The following LIFR variants were observed in gnomAD, a reference collection of about 807,000 sequenced individuals.
LIFR encodes the protein LIF receptor subunit alpha.
Under a neutral mutation model 122.2 loss-of-function variants are expected in LIFR, and 84 were observed. The observed-to-expected ratio is 0.69, with a 90% confidence interval of 0.58 to 0.82. LIFR has a LOEUF of 0.82. LIFR is among the 40% of genes least tolerant of loss of function. The probability of loss-of-function intolerance (pLI) is 0.00; values close to 1 mark genes in which losing one functional copy is unlikely to be tolerated. For missense variants in LIFR, 1,294 were observed against 1,311.6 expected, an observed-to-expected ratio of 0.99 and a Z score of 0.21; for synonymous variants, 422 against 434.7, an observed-to-expected ratio of 0.97 and a Z score of 0.36.
intron 5 of LIFR, among the ~76,000 whole-genome samples, chr5:38,514,967 G>C (rs938293171): frequency 6.6e-6 from 1 of 152,116 alleles, no homozygotes; most frequent in African/African-American, 2.4e-5. Context: ...AAGATACCAA[G>C]GGACAAGTGC....
chr5:38,489,094 C>T lies in LIFR; in HGVS notation c.2319G>A (p.Met773Ile). Residue 773 changes from methionine (M) to isoleucine (I), a missense_variant, in exon 16 of 20, where the codon ATG (methionine) becomes ATA (isoleucine). Met to Ile is a conservative substitution (Grantham distance 10). Coordinates refer to ENST00000453190, the MANE Select transcript of LIFR (RefSeq NM_001127671.2). ...TTTACTCACCTGATTCTAAAACCCT[C>T]ATCTTAGATGTGTCTCTTTCTCCTT... Reference protein sequence around the residue: ...FGKGERDTSKMRVLESGRSDI... With the variant: ...FGKGERDTSKIRVLESGRSDI... 1 of 1,612,922 alleles carries T rather than the reference C, an allele frequency of 6.2e-7. No homozygotes were observed. The highest frequency in any genetic ancestry group is 8.5e-7 in the Non-Finnish European group (1 of 1,179,164).
chr5:38,494,709 G>A (rs931824047), intron 13 of LIFR, among the ~76,000 whole-genome samples: 2 of 152,140 alleles, frequency 1.3e-5, no homozygotes, highest in African/African-American at 4.8e-5. Context: ...AACATAGAAA[G>A]GTTTCTAAGA....
At chr5:38,557,461 G>C (rs1383936942), upstream of LIFR, 1 of 154,790 alleles carries the variant, frequency 6.5e-6, no homozygotes, top group Admixed American at 6.5e-5. Context: ...TGCCGGACGC[G>C]TTTGATGGTG....
At chr5:38,506,134 C>T (rs911973191) in intron 8 of LIFR, 60 bp from the exon 9 acceptor site, 28 of 1,115,844 alleles carry the variant, frequency 2.5e-5, no homozygotes, top group Middle Eastern at 2.8e-4. Flanking sequence ...CAGGAAAAAA[C>T]GGGCAAATTC....
At chr5:38,529,870 A>C (rs1027220971) in intron 2 of LIFR, among the ~76,000 whole-genome samples, 3 of 152,230 alleles carry the variant, frequency 2.0e-5, no homozygotes, top group Non-Finnish European at 2.9e-5. Flanking sequence ...CACTAATCAT[A>C]ATAATAAAGT....
At chr5:38,501,302 A>ATC (rs1191617455) in intron 11 of LIFR, among the ~76,000 whole-genome samples, 1 of 151,784 alleles carries the variant, frequency 6.6e-6, no homozygotes, top group African/African-American at 2.4e-5. Flanking sequence ...AAATGCCCTC[A>ATC]TCTCTATTCT....
chr5:38,572,769 G>C (rs993133487), intron 1 of LIFR, among the ~76,000 whole-genome samples: 1 of 152,168 alleles, frequency 6.6e-6, no homozygotes, highest in Non-Finnish European at 1.5e-5. Context: ...TACATGCCAA[G>C]CACTTTGTGC....
At position 38,479,572 on chromosome 5, in the gene LIFR, C is replaced by T. The variant is rs1468719146; in HGVS notation, c.*2023G>A. The T allele has an allele frequency of 8.7e-6, 2 of 231,122 alleles. No homozygotes were observed. Among genetic ancestry groups the T allele is most frequent in the Non-Finnish European group, 1.7e-5 (2 of 116,780 alleles). 14.3% of individuals were successfully genotyped at this position (231,122 alleles called of 1,614,324 possible). A position where few individuals can be genotyped will look rare whatever the true frequency, so the allele number is the denominator to read the frequency against. On this transcript the variant is annotated 3_prime_UTR_variant, in exon 20 of 20. Coordinates refer to ENST00000453190, the MANE Select transcript of LIFR (RefSeq NM_001127671.2). ...CTTTTCTCATTATCTCAGGTTAGCG[C>T]CGTTTAGAGCAATAAACTTTTACTG...
chr5:38,525,544 C>T (rs1204035295), intron 4 of LIFR, among the ~76,000 whole-genome samples: 2 of 152,136 alleles, frequency 1.3e-5, no homozygotes, highest in Non-Finnish European at 2.9e-5. Context: ...GTGTTCAACA[C>T]TGGATTTATG....
rs761173059 is a variant in LIFR at position 38,502,811 on chromosome 5, CAAAT to C, written c.1438-16_1438-13del. The C allele has an allele frequency of 4.9e-6, 7 of 1,428,326 alleles. No homozygotes were observed. The highest frequency in any genetic ancestry group is 3.7e-5 in the South Asian group (3 of 82,056). The allele number at this position is 1,428,326 out of a possible 1,614,324, so 88.5% of individuals were successfully genotyped here. ...ATTGTGACATTCCGCTATTGGAAAA[CAAAT>C]AAATATATATATATGTATATATTAT... is the stretch of plus-strand genomic sequence containing the variant. On this transcript the variant is annotated splice_polypyrimidine_tract_variant and intron_variant, in intron 10 of 19. Transcript: ENST00000453190.
chr5:38,578,592 T>C (rs1308822906), intron 1 of LIFR, among the ~76,000 whole-genome samples: 1 of 151,898 alleles, frequency 6.6e-6, no homozygotes, highest in Non-Finnish European at 1.5e-5. Flanking sequence ...TCGCCCAGGC[T>C]GTAGTGTGTA....
chr5:38,501,805 C>T (rs12187493), intron 11 of LIFR, among the ~76,000 whole-genome samples: 46,050 of 150,410 alleles, frequency 0.31, 7,325 homozygotes, highest in East Asian at 0.42. Context: ...TCTGGTTATT[C>T]GAAGATAGAA....
upstream of LIFR, among the ~76,000 whole-genome samples, chr5:38,595,673 A>G (rs2112773185): frequency 6.6e-6 from 1 of 150,864 alleles, no homozygotes; most frequent in Admixed American, 6.6e-5. Flanking sequence ...AAAGGAATCC[A>G]TGGGGCCAAT....
At chr5:38,574,349 C>T (rs1336841891) in intron 1 of LIFR, among the ~76,000 whole-genome samples, 1 of 152,112 alleles carries the variant, frequency 6.6e-6, no homozygotes, top group Non-Finnish European at 1.5e-5. Flanking sequence ...GTCTACTTGC[C>T]TCAGACACTC....
intron 2 of LIFR, among the ~76,000 whole-genome samples, chr5:38,603,740 T>C (rs1413958339): frequency 1.3e-5 from 2 of 152,176 alleles, no homozygotes; most frequent in African/African-American, 2.4e-5. Flanking sequence ...AGTTTTCTAA[T>C]GTCTCCAGGG....
chr5:38,596,298 G>A (rs565315270), upstream of LIFR, among the ~76,000 whole-genome samples: 8 of 152,292 alleles, frequency 5.3e-5, no homozygotes, highest in African/African-American at 1.4e-4. Flanking sequence ...AATCTGCATC[G>A]TTAGGTATGG....
intron 16 of LIFR, 120 bp downstream of exon 16, chr5:38,488,954 CTCTA>C (rs563446368): frequency 7.8e-4 from 581 of 748,366 alleles, no homozygotes; most frequent in Non-Finnish European, 1.2e-3. Flanking sequence ...CTTTTCATTT[CTCTA>C]TCTTTCAGAT....
At chr5:38,586,879 T>G (rs955643577) in intron 1 of LIFR, among the ~76,000 whole-genome samples, 8 of 152,212 alleles carry the variant, frequency 5.3e-5, no homozygotes, top group Admixed American at 2.6e-4. Context: ...TTGCATATCT[T>G]CCTTTAACTC....
chr5:38,557,539 AG>A (rs1053017711), upstream of LIFR: 2 of 154,834 alleles, frequency 1.3e-5, no homozygotes, highest in Non-Finnish European at 2.9e-5. Flanking sequence ...GCACGCAGTC[AG>A]GACTCTACAG....
Sources: gnomAD v4.1 joint callset for allele counts (sites outside exome capture counted in the v4.1 genomes callset) on GRCh38, gnomAD v4.1.1 for gene constraint, MANE v1.5 for transcripts, NCBI Gene and HGNC (gene_info 2026-07-23, HGNC 2026-07-21) for gene names.